Variants in COX10 observed in about 807,000 individuals in gnomAD.
The protein encoded by COX10 is cytochrome c oxidase assembly factor heme A:farnesyltransferase COX10.
COX10 carries 27 observed loss-of-function variants against 37.3 expected under a neutral mutation model. The observed-to-expected ratio is 0.72, with a 90% CI of 0.53 to 1.00. The LOEUF (loss-of-function observed/expected upper bound fraction) is 1.00. Ranked by LOEUF, COX10 falls within the 50% of genes least tolerant of loss-of-function variation. The probability of loss-of-function intolerance (pLI) is 0.00; values close to 1 mark genes in which losing one functional copy is unlikely to be tolerated. For missense variants in COX10, 475 were observed against 563.2 expected (o/e 0.84, Z 1.59); for synonymous variants, 222 against 229.1 (o/e 0.97, Z 0.28).
rs747203011 is a variant in COX10, at chr17:14,076,758, C to A, written c.201C>A (p.Ser67Arg). ...KRMYVTQLNRSHNQQVRPKPE... is the reference protein window; with the variant it reads ...KRMYVTQLNRRHNQQVRPKPE... ...AGTATGTCACACAGCTGAACAGAAG[C>A]CACAACCAGCAAGTAAGACCCAAGC... Residue 67 changes from serine (S) to arginine (R), a missense_variant, in exon 3 of 7, where the codon AGC (serine) becomes AGA (arginine). Physicochemically the swap from Ser to Arg is moderately radical, Grantham distance 110. Around this residue, in one of 5 missense-constraint regions of COX10, gnomAD observed 242 missense variants for 242.5 expected, o/e 1.00. Transcript: ENST00000261643. 1.4e-5 allele frequency: 23 copies of A among 1,613,996 alleles called. No individual in the cohort carries two copies. Among genetic ancestry groups the A allele is most frequent in the Middle Eastern group, 1.6e-4 (1 of 6,084 alleles).
At chr17:14,089,380 A>G (rs2142191484) in intron 3 of COX10, among the ~76,000 whole-genome samples, 1 of 152,332 alleles carries the variant, frequency 6.6e-6, no homozygotes, top group African/African-American at 2.4e-5. Flanking sequence ...ATCTGGCAGC[A>G]GTTTCTCCCT....
chr17:14,087,470 A>G (rs1308474282), intron 3 of COX10, among the ~76,000 whole-genome samples: 7 of 152,156 alleles, frequency 4.6e-5, no homozygotes, highest in Admixed American at 1.3e-4. Flanking sequence ...TACCTACAGC[A>G]GTGCCTGGCA....
intron 5 of COX10, among the ~76,000 whole-genome samples, chr17:14,174,491 A>G (rs1905594086): frequency 6.6e-6 from 1 of 151,422 alleles, no homozygotes; most frequent in South Asian, 2.1e-4. Context: ...TGAAAGATTT[A>G]AATAGGCCCT....
intron 5 of COX10, among the ~76,000 whole-genome samples, chr17:14,186,045 G>A (rs1161985854): frequency 5.3e-5 from 8 of 152,188 alleles, no homozygotes; most frequent in Non-Finnish European, 1.0e-4. Flanking sequence ...TTCTCTCAAC[G>A]AAGCATTTGA....
chr17:14,074,993 T>C (rs1216724489), intron 2 of COX10, among the ~76,000 whole-genome samples: 1 of 152,178 alleles, frequency 6.6e-6, no homozygotes, highest in Admixed American at 6.5e-5. Flanking sequence ...GTGGGCAATA[T>C]GGAACTTACT....
intron 4 of COX10, among the ~76,000 whole-genome samples, chr17:14,159,590 T>C (rs545373083): frequency 2.0e-5 from 3 of 152,262 alleles, no homozygotes; most frequent in African/African-American, 7.2e-5. Context: ...CTAGAGCCAA[T>C]TGTCTGCATA....
chr17:14,206,865 C>G lies in COX10; in HGVS notation c.984C>G (p.Ala328=), dbSNP rs749210488. 1 of 1,614,152 alleles carries G rather than the reference C, an allele frequency of 6.2e-7. No homozygotes were observed. The highest frequency in any genetic ancestry group is 1.1e-5 in the South Asian group (1 of 91,086). ...LYSWQFPHFN[A]LSWGLREDYS... is the part of the protein sequence containing the mutation. ...CCTGGCAGTTTCCTCATTTCAACGC[C>G]CTGAGCTGGGGCCTCCGTGAAGACT... Residue 328 remains alanine (A), a synonymous_variant, in exon 7 of 7, where the codon GCC becomes GCG. Transcript: ENST00000261643.
At chr17:14,152,913 T>A (rs1323127448) in intron 4 of COX10, among the ~76,000 whole-genome samples, 1 of 152,158 alleles carries the variant, frequency 6.6e-6, no homozygotes, top group Non-Finnish European at 1.5e-5. Flanking sequence ...CCAGCACTGC[T>A]CCAGGCCAAC....
chr17:14,162,221 T>C (rs1196572811), intron 5 of COX10, among the ~76,000 whole-genome samples: 1 of 152,236 alleles, frequency 6.6e-6, no homozygotes, highest in Non-Finnish European at 1.5e-5. Context: ...ATAAAATTTG[T>C]AGACCACAAT....
intron 4 of COX10, among the ~76,000 whole-genome samples, chr17:14,128,964 A>G (rs1916403772): frequency 6.6e-6 from 1 of 152,168 alleles, no homozygotes; most frequent in Non-Finnish European, 1.5e-5. Flanking sequence ...CTCATGCCTC[A>G]GCCCCCCAGT....
At chr17:14,170,392 A>T (rs1041702648) in intron 5 of COX10, among the ~76,000 whole-genome samples, 5 of 152,206 alleles carry the variant, frequency 3.3e-5, no homozygotes, top group African/African-American at 1.2e-4. Context: ...ATAACATGTC[A>T]GTCTTCAGGT....
In COX10 at chr17:14,073,282, G is replaced by C. The variant is rs28482310; in HGVS notation, c.44-1041G>C. On this transcript the variant is annotated intron_variant, in intron 1 of 6. Transcript: ENST00000261643. ...TGATCAGTAAAAATGGGAAGAAGTG[G>C]ACAGATCTGACCTATATTTCAGAGT... Among the ~76,000 whole-genome samples the C allele has an allele frequency of 7.9e-3, 1,203 of 152,240 alleles. 19 individuals carry two copies. Among genetic ancestry groups the C allele is most frequent in the African/African-American group, 0.027 (1,114 of 41,548 alleles).
intron 5 of COX10, among the ~76,000 whole-genome samples, chr17:14,188,791 G>A (rs1906115508): frequency 6.6e-6 from 1 of 152,058 alleles, no homozygotes; most frequent in Non-Finnish European, 1.5e-5. Flanking sequence ...CATTATTGTG[G>A]TGGAGAAGAA....
In COX10 at chr17:14,116,145, C is replaced by G. The variant is rs1048297739; in HGVS notation, c.624+13903C>G. 2.0e-5 allele frequency among the ~76,000 whole-genome samples: 3 copies of G among 152,050 alleles called. 1 individual carries two copies. Among genetic ancestry groups the G allele is most frequent in the Non-Finnish European group, 4.4e-5 (3 of 68,002 alleles). Reference sequence around the variant, plus strand: ...AAATGAAATTGTGCATTAATTTCATCTTCTTTGTCATTTGAAGGCTTTTAA... The same window carrying G: ...AAATGAAATTGTGCATTAATTTCATGTTCTTTGTCATTTGAAGGCTTTTAA... On this transcript the variant is annotated intron_variant, in intron 4 of 6. Coordinates refer to ENST00000261643, the MANE Select transcript of COX10 (RefSeq NM_001303.4).
At chr17:14,103,146 G>A (rs563096222) in intron 4 of COX10, among the ~76,000 whole-genome samples, 100 of 152,090 alleles carry the variant, frequency 6.6e-4, no homozygotes, top group African/African-American at 2.3e-3. Context: ...CAATCTTATA[G>A]TGAGGTTCAA....
At chr17:14,145,426 T>C (rs923136547) in intron 4 of COX10, among the ~76,000 whole-genome samples, 1 of 151,984 alleles carries the variant, frequency 6.6e-6, no homozygotes, top group African/African-American at 2.4e-5. Flanking sequence ...CCCTGTGTAG[T>C]TGTAGATGTG....
At chr17:14,146,328 C>G (rs538922867) in intron 4 of COX10, among the ~76,000 whole-genome samples, 1 of 152,040 alleles carries the variant, frequency 6.6e-6, no homozygotes, top group Non-Finnish European at 1.5e-5. Flanking sequence ...AATAGAGAAC[C>G]CAGAAACAAA....
At chr17:14,163,357 C>T (rs576398295) in intron 5 of COX10, among the ~76,000 whole-genome samples, 10 of 152,094 alleles carry the variant, frequency 6.6e-5, no homozygotes, top group African/African-American at 2.4e-4. Flanking sequence ...CAGGTTCAAG[C>T]GATTCTCCTC....
At chr17:14,145,323 C>T (rs1196891228) in intron 4 of COX10, among the ~76,000 whole-genome samples, 1 of 152,102 alleles carries the variant, frequency 6.6e-6, no homozygotes, top group Admixed American at 6.6e-5. Flanking sequence ...GTAATGAATC[C>T]TCTTGTCCTA....
Sources: gnomAD v4.1 joint callset for allele counts (sites outside exome capture counted in the v4.1 genomes callset) on GRCh38, gnomAD v4.1.1 for gene constraint, gnomAD v4.1.1 regional missense constraint, MANE v1.5 for transcripts, NCBI Gene and HGNC (gene_info 2026-07-23, HGNC 2026-07-21) for gene names.